The following NLGN4X variants were observed in gnomAD, a reference collection of about 807,000 sequenced individuals.
NLGN4X encodes the protein neuroligin 4 X-linked.
In NLGN4X, 3 loss-of-function variants were observed where a neutral mutation model predicts 40.3. The ratio of observed to expected loss-of-function variants is 0.07; its 90% CI spans 0.03 to 0.19. The LOEUF (loss-of-function observed/expected upper bound fraction) is 0.19. Ranked by LOEUF, NLGN4X falls within the 10% of genes least tolerant of loss-of-function variation. The probability of loss-of-function intolerance (pLI) is 1.00; values close to 1 mark genes in which losing one functional copy is unlikely to be tolerated. For missense variants in NLGN4X, 382 were observed against 708.3 expected (o/e 0.54, Z 5.23); for synonymous variants, 270 against 306.8 (o/e 0.88, Z 1.25).
chrX:6,196,530 C>T (rs1025281078), intron 1 of NLGN4X, among the ~76,000 whole-genome samples: 34 of 78,622 alleles, frequency 4.3e-4, no homozygotes, highest in Middle Eastern at 0.013. Context: ...CCAGCCTGGG[C>T]GACAGAGCGA....
chrX:6,082,948 G>GGTTTTTTTTTT (rs2038390927), intron 2 of NLGN4X, among the ~76,000 whole-genome samples: 2 of 70,377 alleles, frequency 2.8e-5, no homozygotes, highest in African/African-American at 9.7e-5. Flanking sequence ...GCCATGATGC[G>GGTTTTTTTTTT]TTTTTTTCTT....
At chrX:6,001,036 A>C (rs2035957931) in intron 3 of NLGN4X, among the ~76,000 whole-genome samples, 1 of 111,626 alleles carries the variant, frequency 9.0e-6, no homozygotes, top group African/African-American at 3.3e-5. Flanking sequence ...GTCCTTCATC[A>C]CATGGTGGTA....
intron 1 of NLGN4X, among the ~76,000 whole-genome samples, chrX:6,153,959 G>A (rs914876373): frequency 1.8e-5 from 2 of 112,616 alleles, no homozygotes; most frequent in African/African-American, 6.4e-5. Context: ...CACAGGTTGA[G>A]AGCTATCTTT....
chrX:5,957,978 TTTTC>T (rs2034548934), intron 3 of NLGN4X, among the ~76,000 whole-genome samples: 1 of 112,368 alleles, frequency 8.9e-6, no homozygotes, highest in African/African-American at 3.2e-5. Flanking sequence ...TAAATTGGCC[TTTTC>T]TTTGTCTTTA....
At chrX:6,103,805 C>T (rs921237332) in intron 2 of NLGN4X, among the ~76,000 whole-genome samples, 1 of 112,071 alleles carries the variant, frequency 8.9e-6, no homozygotes. Flanking sequence ...GATTTTAAAA[C>T]ATTAATAGTC....
intron 2 of NLGN4X, among the ~76,000 whole-genome samples, chrX:6,107,964 T>C (rs2039067333): frequency 8.9e-6 from 1 of 112,133 alleles, no homozygotes; most frequent in Non-Finnish European, 1.9e-5. Flanking sequence ...GATGGACACT[T>C]AGGTTGATTC....
chrX:6,197,443 G>C (rs866198483), intron 1 of NLGN4X, among the ~76,000 whole-genome samples: 1 of 82,597 alleles, frequency 1.2e-5, no homozygotes, highest in Non-Finnish European at 2.4e-5. Flanking sequence ...TTTTTTTTTT[G>C]TATTTTTTAT....
chrX:6,036,643 C>CACACAA (rs1177520572), intron 2 of NLGN4X, among the ~76,000 whole-genome samples: 15 of 109,367 alleles, frequency 1.4e-4, no homozygotes, highest in African/African-American at 5.0e-4. Flanking sequence ...CACACACACA[C>CACACAA]AGCCCAAATA....
intron 1 of NLGN4X, among the ~76,000 whole-genome samples, chrX:6,180,922 C>T (rs1921373354): frequency 9.0e-6 from 1 of 111,233 alleles, no homozygotes; most frequent in African/African-American, 3.3e-5. Flanking sequence ...CAGTTCATTT[C>T]CACTGCCCTG....
At chrX:6,176,580 A>G (rs1386113877) in intron 1 of NLGN4X, among the ~76,000 whole-genome samples, 3 of 112,121 alleles carry the variant, frequency 2.7e-5, no homozygotes, top group South Asian at 3.7e-4. Context: ...AAGGATCCTT[A>G]TAAGTAGAAA....
chrX:5,895,052 T>C (rs1347448386), intron 5 of NLGN4X, among the ~76,000 whole-genome samples: 1 of 112,578 alleles, frequency 8.9e-6, no homozygotes, highest in Non-Finnish European at 1.9e-5. Flanking sequence ...GAAGATCATG[T>C]ATCTGTAGCC....
chrX:6,091,738 G>T (rs918889557), intron 2 of NLGN4X, among the ~76,000 whole-genome samples: 2 of 111,852 alleles, frequency 1.8e-5, no homozygotes, highest in African/African-American at 3.3e-5. Context: ...TTTTCTCACA[G>T]ATCTGTATTA....
At chrX:5,986,957 A>T (rs2035545713) in intron 3 of NLGN4X, among the ~76,000 whole-genome samples, 1 of 112,438 alleles carries the variant, frequency 8.9e-6, no homozygotes, top group African/African-American at 3.2e-5. Context: ...GATTTGAACC[A>T]GCAATTCCAT....
chrX:6,193,069 G>A (rs921990036), intron 1 of NLGN4X, among the ~76,000 whole-genome samples: 2 of 111,496 alleles, frequency 1.8e-5, no homozygotes, highest in Non-Finnish European at 1.9e-5. Flanking sequence ...TGCTGGACTC[G>A]CCAATAACTA....
intron 3 of NLGN4X, among the ~76,000 whole-genome samples, chrX:5,998,410 C>CAA (rs11344030): frequency 8.3e-4 from 64 of 77,224 alleles, no homozygotes; most frequent in African/African-American, 2.8e-3. Context: ...AACTCCTTCT[C>CAA]AAAAAAAAAA....
intron 1 of NLGN4X, among the ~76,000 whole-genome samples, chrX:6,156,517 AAAAC>A (rs1337507671): frequency 8.9e-6 from 1 of 112,275 alleles, no homozygotes; most frequent in East Asian, 2.8e-4. Flanking sequence ...TCAAAAAAAC[AAAAC>A]AAACAAACAA....
At chrX:6,048,349 C>T (rs2037381501) in intron 2 of NLGN4X, among the ~76,000 whole-genome samples, 1 of 111,495 alleles carries the variant, frequency 9.0e-6, no homozygotes, top group Non-Finnish European at 1.9e-5. Flanking sequence ...TCTAAGAAAT[C>T]AAGCTCAGGG....
At chrX:6,094,188 G>A (rs1487380733) in intron 2 of NLGN4X, among the ~76,000 whole-genome samples, 1 of 111,289 alleles carries the variant, frequency 9.0e-6, no homozygotes, top group East Asian at 2.8e-4. Flanking sequence ...AAAATTAGCA[G>A]TAGAGAAAAT....
intron 2 of NLGN4X, among the ~76,000 whole-genome samples, chrX:6,037,465 TATTA>T (rs2037045349): frequency 1.8e-5 from 2 of 111,389 alleles, no homozygotes; most frequent in South Asian, 7.5e-4. Context: ...TTTTAATATA[TATTA>T]ATTATTGCCA....
Sources: allele counts gnomAD v4.1 joint callset (sites outside exome capture counted in the v4.1 genomes callset), GRCh38; gene constraint gnomAD v4.1.1; transcripts MANE v1.5; gene names NCBI Gene and HGNC (gene_info 2026-07-23, HGNC 2026-07-21).